OSBP2: variants seen among roughly 807,000 people sequenced by gnomAD.
OSBP2 encodes oxysterol-binding protein 2.
A neutral mutation model predicts 96.0 loss-of-function variants in OSBP2; 66 were observed. That is an observed-to-expected ratio of 0.69 (90% CI 0.56 to 0.84). The LOEUF (loss-of-function observed/expected upper bound fraction) is 0.84. Ranked by LOEUF, OSBP2 falls within the 40% of genes least tolerant of loss-of-function variation. The pLI, the probability that OSBP2 is intolerant of heterozygous loss-of-function variation, is 0.00. For synonymous variants in OSBP2, 525 were observed against 520.9 expected (o/e 1.01, Z -0.11); for missense variants, 1,038 against 1,222.7 (o/e 0.85, Z 2.25).
intron 1 of OSBP2, among the ~76,000 whole-genome samples, chr22:30,708,130 C>T (rs150487842): frequency 6.6e-6 from 1 of 152,056 alleles, no homozygotes; most frequent in Admixed American, 6.6e-5. Flanking sequence ...TCAGGTGATC[C>T]ACCTGCCTCA....
At position 30,870,459 on chromosome 22, in the gene OSBP2, C is replaced by A. The variant is rs1463469922; in HGVS notation, c.884C>A (p.Thr295Asn). ...DDSGDDDEAT[T>N]PADKSELHHT... ...TCTGGGGACGACGACGAGGCTACCA[C>A]CCCAGCCGACAAGAGCGAGCTGCAC... The change falls in exon 3 of 14, where the codon ACC becomes AAC. Residue 295 changes from threonine to asparagine, a missense_variant. By Grantham distance (65) the Thr-to-Asn change is moderately conservative. Transcript: ENST00000332585. The surrounding 1 kb of genome is among the most constrained non-coding windows in gnomAD (Gnocchi z 4.1). The A allele has an allele frequency of 1.2e-6, 2 of 1,614,038 alleles. No homozygotes were observed. Among genetic ancestry groups the A allele is most frequent in the Middle Eastern group, 1.6e-4 (1 of 6,062 alleles).
At chr22:30,857,173 G>A (rs1199366895) in intron 2 of OSBP2, among the ~76,000 whole-genome samples, 1 of 152,208 alleles carries the variant, frequency 6.6e-6, no homozygotes, top group Non-Finnish European at 1.5e-5. Context: ...CCCTCTAAGC[G>A]ATGGGGGTGA....
At chr22:30,775,987 G>A (rs963833169) in intron 2 of OSBP2, among the ~76,000 whole-genome samples, 1 of 151,804 alleles carries the variant, frequency 6.6e-6, no homozygotes, top group South Asian at 2.1e-4. Context: ...GTAGAGATGG[G>A]GTTTTGCCAT....
intron 2 of OSBP2, among the ~76,000 whole-genome samples, chr22:30,862,608 A>G (rs944555358): frequency 5.9e-5 from 9 of 151,924 alleles, no homozygotes; most frequent in African/African-American, 2.2e-4. Context: ...TGAACCTGGG[A>G]GGTGGAGGTT....
chr22:30,755,813 T>C (rs2090132898), intron 2 of OSBP2, among the ~76,000 whole-genome samples: 1 of 152,158 alleles, frequency 6.6e-6, no homozygotes, highest in Non-Finnish European at 1.5e-5. Context: ...TTCCCCTCCC[T>C]GTGCCACTCA....
At chr22:30,741,050 C>A in intron 1 of OSBP2, 111 bp from the exon 2 acceptor site, 2 of 841,772 alleles carry the variant, frequency 2.4e-6, no homozygotes, top group East Asian at 2.7e-5. Context: ...ACTCCAGGGC[C>A]TCTCCCAGCT....
In OSBP2 at chr22:30,899,985, G is replaced by A. The variant is rs181520096; in HGVS notation, c.2376-5852G>A. Reference sequence around the variant, plus strand: ...TTAAGATAAGACACCAAGACTGGGCGCAGTGGCTCATGCCTGTAATCCCAG... The same window carrying A: ...TTAAGATAAGACACCAAGACTGGGCACAGTGGCTCATGCCTGTAATCCCAG... On this transcript the variant is annotated intron_variant, in intron 12 of 13. Coordinates refer to ENST00000332585, the MANE Select transcript of OSBP2 (RefSeq NM_030758.4). Among the ~76,000 whole-genome samples, 20 of 152,296 alleles carry A rather than the reference G, an allele frequency of 1.3e-4. No homozygotes were observed. In the East Asian group the frequency reaches 1.9e-3, roughly 15 times the overall value.
At chr22:30,844,516 G>T in intron 2 of OSBP2, 1 of 157,914 alleles carries the variant, frequency 6.3e-6, no homozygotes, top group South Asian at 1.9e-4. Context: ...TAAACCTCAT[G>T]AACCAACCTC....
chr22:30,791,772 A>T (rs1279351507), intron 2 of OSBP2, among the ~76,000 whole-genome samples: 2 of 152,154 alleles, frequency 1.3e-5, no homozygotes, highest in African/African-American at 4.8e-5. Context: ...AGCTAGGAAG[A>T]GCTGCAAGAT....
intron 12 of OSBP2, among the ~76,000 whole-genome samples, chr22:30,905,130 C>T (rs1050105040): frequency 7.3e-6 from 1 of 136,722 alleles, no homozygotes; most frequent in Non-Finnish European, 1.5e-5. Flanking sequence ...AGAGCGAGAC[C>T]CGTCTTTTTT....
At chr22:30,822,650 G>C in intron 2 of OSBP2, 1 of 1,533,622 alleles carries the variant, frequency 6.5e-7, no homozygotes. Flanking sequence ...CGCGGCTGCT[G>C]GGACACGGCC....
chr22:30,716,359 C>T (rs964303158), intron 1 of OSBP2, among the ~76,000 whole-genome samples: 1 of 152,028 alleles, frequency 6.6e-6, no homozygotes, highest in African/African-American at 2.4e-5. Flanking sequence ...TTTTCATATG[C>T]TTGTTGATCG....
rs1221698797 is a variant in OSBP2 at position 30,819,195 on chromosome 22, C to T, written c.854-51234C>T. Among the ~76,000 whole-genome samples the T allele has an allele frequency of 2.6e-5, 4 of 152,140 alleles. No individual in the cohort carries two copies. In the East Asian group the frequency reaches 5.8e-4, roughly 22 times the overall value. ...ACTAAAACTACGAAAATTAGCTGGG[C>T]GTGGTGGTGCATGCCTATAATCTCA... On this transcript the variant is annotated intron_variant, in intron 2 of 13. Transcript: ENST00000332585.
chr22:30,872,735 CTG>C (rs2039484573), intron 3 of OSBP2, among the ~76,000 whole-genome samples: 1 of 152,228 alleles, frequency 6.6e-6, no homozygotes, highest in South Asian at 2.1e-4. Context: ...CCCCGACAGA[CTG>C]TGCTTGTAGC....
chr22:30,742,201 G>A (rs1045129038), intron 2 of OSBP2, among the ~76,000 whole-genome samples: 8 of 152,016 alleles, frequency 5.3e-5, no homozygotes, highest in East Asian at 3.9e-4. Flanking sequence ...GGGAGGCTGC[G>A]GCAGGTGGAT....
At chr22:30,812,508 A>G (rs187618472) in intron 2 of OSBP2, among the ~76,000 whole-genome samples, 1 of 152,314 alleles carries the variant, frequency 6.6e-6, no homozygotes, top group East Asian at 1.9e-4. Context: ...GTGTATTATA[A>G]TGTATTTAAT....
intron 2 of OSBP2, among the ~76,000 whole-genome samples, chr22:30,744,150 C>G (rs1180425602): frequency 6.6e-6 from 1 of 152,190 alleles, no homozygotes; most frequent in African/African-American, 2.4e-5. Context: ...TTGGGACCAC[C>G]TGATTATGTC....
intron 2 of OSBP2, among the ~76,000 whole-genome samples, chr22:30,856,664 G>C (rs975514132): frequency 1.3e-5 from 2 of 151,928 alleles, no homozygotes; most frequent in African/African-American, 4.8e-5. Context: ...TGAGATTACA[G>C]GCATGAGCCA....
At chr22:30,868,613 G>A (rs2039395892) in intron 2 of OSBP2, among the ~76,000 whole-genome samples, 1 of 152,252 alleles carries the variant, frequency 6.6e-6, no homozygotes, top group Non-Finnish European at 1.5e-5. Flanking sequence ...CCATGAGAGG[G>A]GCAGGCGGTC....
Sources: allele counts gnomAD v4.1 joint callset (sites outside exome capture counted in the v4.1 genomes callset), GRCh38; gene constraint gnomAD v4.1.1; non-coding constraint Gnocchi (gnomAD v3.1); transcripts MANE v1.5; gene names NCBI Gene and HGNC (gene_info 2026-07-23, HGNC 2026-07-21).